COL26A1: variants seen among roughly 807,000 people sequenced by gnomAD.
The protein encoded by COL26A1 is collagen alpha-1(XXVI) chain.
In COL26A1, 41 loss-of-function variants were observed where a neutral mutation model predicts 59.3. That is an observed-to-expected ratio of 0.69 (90% CI 0.54 to 0.90). The LOEUF (loss-of-function observed/expected upper bound fraction) is 0.90, where lower values mean the gene tolerates loss of function less well. Ranked by LOEUF, COL26A1 falls within the 40% of genes least tolerant of loss-of-function variation. The pLI is 0.00. For synonymous variants in COL26A1, 266 were observed against 256.0 expected, an observed-to-expected ratio of 1.04 and a Z score of -0.37; for missense variants, 612 against 602.3, an observed-to-expected ratio of 1.02 and a Z score of -0.17.
At chr7:101,431,823 G>A (rs1040438364) in intron 2 of COL26A1, among the ~76,000 whole-genome samples, 3 of 150,728 alleles carry the variant, frequency 2.0e-5, no homozygotes, top group Admixed American at 6.6e-5. Flanking sequence ...TGGGGGTCTC[G>A]TTTTGTTGCC....
At chr7:101,378,550 C>T (rs1279697300) in intron 1 of COL26A1, among the ~76,000 whole-genome samples, 1 of 151,940 alleles carries the variant, frequency 6.6e-6, no homozygotes, top group Non-Finnish European at 1.5e-5. Context: ...TTTGTACAGA[C>T]AGTGTTTCCC....
At chr7:101,554,567 TAAAAA>T (rs57638079) in intron 11 of COL26A1, among the ~76,000 whole-genome samples, 4 of 120,510 alleles carry the variant, frequency 3.3e-5, no homozygotes, top group South Asian at 2.8e-4. Context: ...CCCCATTTCT[TAAAAA>T]AAAAAAAAAA....
chr7:101,552,421 A>G (rs1795880101), intron 10 of COL26A1, among the ~76,000 whole-genome samples: 1 of 151,890 alleles, frequency 6.6e-6, no homozygotes. Flanking sequence ...GCCACCCTGG[A>G]CAACATAGTG....
At chr7:101,430,684 A>C (rs1792758070) in intron 2 of COL26A1, among the ~76,000 whole-genome samples, 1 of 151,870 alleles carries the variant, frequency 6.6e-6, no homozygotes, top group African/African-American at 2.4e-5. Context: ...ATGCAGCTGA[A>C]TTCACTAGTT....
At chr7:101,380,246 T>TC (rs1291466169) in intron 1 of COL26A1, among the ~76,000 whole-genome samples, 1 of 150,924 alleles carries the variant, frequency 6.6e-6, no homozygotes, top group African/African-American at 2.4e-5. Context: ...TGCCTCAGCC[T>TC]CCCAAAGTGC....
At chr7:101,397,397 T>TA (rs200731088) in intron 1 of COL26A1, among the ~76,000 whole-genome samples, 6 of 151,462 alleles carry the variant, frequency 4.0e-5, no homozygotes, top group African/African-American at 7.3e-5. Flanking sequence ...TCTTTTTTTT[T>TA]ATCTTTCTTT....
intron 8 of COL26A1, among the ~76,000 whole-genome samples, chr7:101,548,582 G>C (rs1165150317): frequency 6.6e-6 from 1 of 151,994 alleles, no homozygotes; most frequent in African/African-American, 2.4e-5. Flanking sequence ...GAAAGGGTTT[G>C]CTGGGAGAGT....
At chr7:101,500,244 G>T (rs187136846) in intron 3 of COL26A1, among the ~76,000 whole-genome samples, 105 of 147,314 alleles carry the variant, frequency 7.1e-4, no homozygotes, top group African/African-American at 2.2e-3. Context: ...TTGCCGGGAG[G>T]GGGGGCAAGT....
At chr7:101,530,038 G>A (rs1057077560) in intron 3 of COL26A1, among the ~76,000 whole-genome samples, 19 of 152,100 alleles carry the variant, frequency 1.2e-4, no homozygotes, top group Non-Finnish European at 2.6e-4. Context: ...CAGAGCCTTC[G>A]GGTGGATGAG....
In COL26A1 at chr7:101,453,976, G is replaced by A. The variant is rs1011752089; in HGVS notation, c.385+6189G>A. The stretch of plus-strand genomic sequence containing the variant: ...GACACCCCAGGAGTGCAGGTCTAAG[G>A]TTTGGAAATACTTTCCTTTCTACAT... On this transcript the variant is annotated intron_variant, in intron 3 of 12. Transcript: ENST00000313669. Among the ~76,000 whole-genome samples the A allele has an allele frequency of 3.3e-5, 5 of 152,204 alleles. No individual in the cohort carries two copies. In the East Asian group the frequency reaches 5.8e-4, roughly 18 times the overall value.
intron 2 of COL26A1, among the ~76,000 whole-genome samples, chr7:101,437,423 C>T (rs1792942613): frequency 7.0e-6 from 1 of 142,162 alleles, no homozygotes; most frequent in Admixed American, 7.2e-5. Flanking sequence ...GGGCGGAGTT[C>T]TGAATGCTGG....
chr7:101,401,371 C>A (rs548262048), intron 1 of COL26A1, among the ~76,000 whole-genome samples: 14 of 151,924 alleles, frequency 9.2e-5, no homozygotes, highest in Non-Finnish European at 1.8e-4. Context: ...TAAAGCCTCT[C>A]CCAGCTCTAA....
At chr7:101,421,641 C>T (rs1429920382) in intron 2 of COL26A1, among the ~76,000 whole-genome samples, 1 of 149,650 alleles carries the variant, frequency 6.7e-6, no homozygotes, top group Non-Finnish European at 1.5e-5. Context: ...CGCCACTGCA[C>T]TCCAGCCTGG....
intron 1 of COL26A1, among the ~76,000 whole-genome samples, chr7:101,384,230 GTTTTTTTTT>G (rs35085221): frequency 9.5e-6 from 1 of 105,684 alleles, no homozygotes. Flanking sequence ...GTTCAGGCTG[GTTTTTTTTT>G]TTTTTTTTTT....
chr7:101,374,941 A>T (rs946538679), intron 1 of COL26A1, among the ~76,000 whole-genome samples: 1 of 151,924 alleles, frequency 6.6e-6, no homozygotes, highest in African/African-American at 2.4e-5. Context: ...GGCACCTGTA[A>T]TTCCAGCTAC....
intron 3 of COL26A1, among the ~76,000 whole-genome samples, chr7:101,475,785 T>TTTCCTTCC (rs1202383058): frequency 9.9e-6 from 1 of 100,822 alleles, no homozygotes; most frequent in African/African-American, 8.5e-5. Context: ...TCTTTCTTTC[T>TTTCCTTCC]TTCCTTCCTT....
intron 3 of COL26A1, among the ~76,000 whole-genome samples, chr7:101,455,575 T>C (rs995003743): frequency 6.7e-6 from 1 of 149,306 alleles, no homozygotes; most frequent in African/African-American, 2.5e-5. Flanking sequence ...CAATCTCAGC[T>C]CACTGCAACC....
chr7:101,434,746 G>T (rs1313267299), intron 2 of COL26A1, among the ~76,000 whole-genome samples: 1 of 152,206 alleles, frequency 6.6e-6, no homozygotes, highest in Non-Finnish European at 1.5e-5. Flanking sequence ...CTCCGGTTGG[G>T]TGTACTGGGG....
In COL26A1 at chr7:101,540,168, G is replaced by A. The variant is rs55739523; in HGVS notation, c.604+119G>A. The A allele has an allele frequency of 0.28, 293,722 of 1,051,090 alleles. 44,384 individuals are homozygous for A. The highest frequency in any genetic ancestry group is 0.33 in the Middle Eastern group (1,114 of 3,332). The allele number at this position is 1,051,090 out of a possible 1,614,324, so 65.1% of individuals were successfully genotyped here. On this transcript the variant is annotated intron_variant, in intron 5 of 12. Transcript: ENST00000313669. ...CACTCTAGTTCCAACATGCCATGTG[G>A]CATTTTGAAAAATTAAGCTAACAGT...
Sources: gnomAD v4.1 joint callset for allele counts (sites outside exome capture counted in the v4.1 genomes callset) on GRCh38, gnomAD v4.1.1 for gene constraint, MANE v1.5 for transcripts, NCBI Gene and HGNC (gene_info 2026-07-23, HGNC 2026-07-21) for gene names.